Variants in CSGALNACT1 observed in about 807,000 individuals in gnomAD.
The protein encoded by CSGALNACT1 is chondroitin sulfate N-acetylgalactosaminyltransferase 1.
In CSGALNACT1, 52 loss-of-function variants were observed where a neutral mutation model predicts 51.0. The ratio of observed to expected loss-of-function variants is 1.02; its 90% confidence interval spans 0.82 to 1.29. The LOEUF (loss-of-function observed/expected upper bound fraction) is 1.29. Among genes scored for constraint, CSGALNACT1 ranks in the 50% most tolerant of loss-of-function variants. The probability of loss-of-function intolerance (pLI) is 0.00; values close to 1 mark genes in which losing one functional copy is unlikely to be tolerated. For synonymous variants in CSGALNACT1, 341 were observed against 254.4 expected, an observed-to-expected ratio of 1.34 and a Z score of -3.24; for missense variants, 935 against 679.2, an observed-to-expected ratio of 1.38 and a Z score of -4.19.
chr8:19,553,640 A>ATATATATATATATAT (rs201836569), intron 3 of CSGALNACT1, among the ~76,000 whole-genome samples: 1,290 of 116,790 alleles, frequency 0.011, 82 homozygotes, highest in African/African-American at 0.034. Context: ...TATATATATA[A>ATATATATATATATAT]AAAAATATGT....
intron 1 of CSGALNACT1, among the ~76,000 whole-genome samples, chr8:19,691,005 T>C (rs576081745): frequency 1.3e-5 from 2 of 152,100 alleles, no homozygotes; most frequent in Non-Finnish European, 2.9e-5. Context: ...GAGAGGAAGA[T>C]TGCTTGAATC....
intron 4 of CSGALNACT1, among the ~76,000 whole-genome samples, chr8:19,463,618 T>A (rs999941269): frequency 6.6e-6 from 1 of 152,140 alleles, no homozygotes; most frequent in Non-Finnish European, 1.5e-5. Context: ...CCCACAAACA[T>A]CTTCCTTGTC....
chr8:19,590,752 C>A (rs1382768047), intron 3 of CSGALNACT1, among the ~76,000 whole-genome samples: 1 of 144,966 alleles, frequency 6.9e-6, no homozygotes, highest in African/African-American at 2.6e-5. Context: ...TGGGTTCAAG[C>A]AATTCTCCTG....
At chr8:19,582,169 C>A (rs373913296) in intron 3 of CSGALNACT1, among the ~76,000 whole-genome samples, 1 of 152,298 alleles carries the variant, frequency 6.6e-6, no homozygotes, top group Admixed American at 6.5e-5. Context: ...TATAACTAGG[C>A]ACTGCAAGTG....
chr8:19,603,947 G>A (rs1010919538), upstream of CSGALNACT1, among the ~76,000 whole-genome samples: 6 of 152,160 alleles, frequency 3.9e-5, no homozygotes, highest in African/African-American at 1.2e-4. Flanking sequence ...TCTACACACA[G>A]TAACATACAT....
At chr8:19,414,851 T>C (rs1250170244) in intron 8 of CSGALNACT1, among the ~76,000 whole-genome samples, 1 of 152,230 alleles carries the variant, frequency 6.6e-6, no homozygotes, top group Non-Finnish European at 1.5e-5. Flanking sequence ...AAGGATGTAG[T>C]AATTAATATA....
chr8:19,635,403 GGT>G (rs1432887195), intron 1 of CSGALNACT1, among the ~76,000 whole-genome samples: 1 of 152,194 alleles, frequency 6.6e-6, no homozygotes, highest in African/African-American at 2.4e-5. Context: ...CCTGCCTACT[GGT>G]GTTTTTCCTC....
intron 1 of CSGALNACT1, among the ~76,000 whole-genome samples, chr8:19,630,434 A>C (rs1029985257): frequency 2.6e-5 from 4 of 152,022 alleles, no homozygotes; most frequent in Non-Finnish European, 4.4e-5. Flanking sequence ...CCCATTATTA[A>C]CATCATGCAT....
intron 1 of CSGALNACT1, among the ~76,000 whole-genome samples, chr8:19,616,796 T>G (rs890159380): frequency 6.6e-6 from 1 of 152,166 alleles, no homozygotes; most frequent in Non-Finnish European, 1.5e-5. Context: ...CAGAGGCCAG[T>G]GCCATCCACG....
intron 1 of CSGALNACT1, among the ~76,000 whole-genome samples, chr8:19,730,620 G>A (rs914160464): frequency 6.6e-6 from 1 of 152,180 alleles, no homozygotes; most frequent in Non-Finnish European, 1.5e-5. Flanking sequence ...CTGTCGTTGT[G>A]TGCAGAGCTA....
At chr8:19,538,280 A>G (rs2084242822) in intron 3 of CSGALNACT1, among the ~76,000 whole-genome samples, 1 of 152,194 alleles carries the variant, frequency 6.6e-6, no homozygotes, top group Non-Finnish European at 1.5e-5. Flanking sequence ...GTAGTGAGCT[A>G]TGATTGTACT....
At chr8:19,435,041 A>G (rs1290364379) in intron 6 of CSGALNACT1, among the ~76,000 whole-genome samples, 1 of 151,764 alleles carries the variant, frequency 6.6e-6, no homozygotes, top group African/African-American at 2.4e-5. Context: ...CATCACATAC[A>G]CTCTGGCAGG....
At chr8:19,741,554 CTCCA>C (rs1563194825) in intron 1 of CSGALNACT1, among the ~76,000 whole-genome samples, 1 of 97,454 alleles carries the variant, frequency 1.0e-5, no homozygotes, top group African/African-American at 4.6e-5. Flanking sequence ...AAGAGTGAGA[CTCCA>C]TCAAAAAAAA....
At chr8:19,734,397 T>C (rs2063851952) in intron 1 of CSGALNACT1, among the ~76,000 whole-genome samples, 1 of 152,154 alleles carries the variant, frequency 6.6e-6, no homozygotes, top group Admixed American at 6.5e-5. Context: ...ATAAGGTAAA[T>C]GCCTCATGAT....
Position 19,680,191 on chromosome 8 carries a change from C to G in CSGALNACT1, c.-544+2282G>C, listed in dbSNP as rs995653076. Among the ~76,000 whole-genome samples, 10 of 152,190 alleles carry G rather than the reference C, an allele frequency of 6.6e-5. No homozygotes were observed. The South Asian group carries it at 8.3e-4, about 13-fold the overall frequency. On this transcript the variant is annotated intron_variant, in intron 1 of 9. Coordinates refer to the CSGALNACT1 transcript ENST00000332246. ...CCTGCATCCATGGGCTCCTCTGCAT[C>G]CATGGACTCAACCAACCACAGATAA...
intron 3 of CSGALNACT1, among the ~76,000 whole-genome samples, chr8:19,521,268 G>A (rs1461745237): frequency 1.3e-5 from 2 of 152,162 alleles, no homozygotes; most frequent in Non-Finnish European, 2.9e-5. Context: ...GGGGACACTA[G>A]ATATGAGGCT....
At chr8:19,515,968 G>A (rs1016630634) in intron 3 of CSGALNACT1, among the ~76,000 whole-genome samples, 1 of 152,130 alleles carries the variant, frequency 6.6e-6, no homozygotes, top group Non-Finnish European at 1.5e-5. Context: ...GCTTCTTCCA[G>A]CTGTAAGACA....
intron 5 of CSGALNACT1, among the ~76,000 whole-genome samples, chr8:19,450,240 G>C (rs2062918067): frequency 2.4e-5 from 2 of 83,404 alleles, no homozygotes; most frequent in Admixed American, 2.6e-4. Context: ...AGGGGGCAGG[G>C]AGGAAGAGGG....
chr8:19,534,381 G>A (rs1483070955), intron 3 of CSGALNACT1, among the ~76,000 whole-genome samples: 4 of 152,068 alleles, frequency 2.6e-5, no homozygotes, highest in Non-Finnish European at 4.4e-5. Flanking sequence ...AACCCAGGAG[G>A]CAGAGGCTGC....
Sources: allele counts gnomAD v4.1 joint callset (sites outside exome capture counted in the v4.1 genomes callset), GRCh38; gene constraint gnomAD v4.1.1; transcripts MANE v1.5; gene names NCBI Gene and HGNC (gene_info 2026-07-23, HGNC 2026-07-21).